TCERG1L: variants seen among roughly 807,000 people sequenced by gnomAD.
The protein encoded by TCERG1L is transcription elongation regulator 1 like.
Under a neutral mutation model 56.3 loss-of-function variants are expected in TCERG1L, and 37 were observed. That is an observed-to-expected ratio of 0.66 (90% confidence interval 0.51 to 0.87). The LOEUF (loss-of-function observed/expected upper bound fraction) is 0.87. Among genes scored for constraint, TCERG1L ranks in the 40% least tolerant of loss-of-function variants. TCERG1L has a pLI of 0.00. For missense variants in TCERG1L, 799 were observed against 774.2 expected, an observed-to-expected ratio of 1.03 and a Z score of -0.38; for synonymous variants, 324 against 326.3, an observed-to-expected ratio of 0.99 and a Z score of 0.08.
chr10:131,294,234 T>C (rs541220296), intron 3 of TCERG1L, among the ~76,000 whole-genome samples: 1 of 152,270 alleles, frequency 6.6e-6, no homozygotes, highest in East Asian at 1.9e-4. Flanking sequence ...GTCACCTCCC[T>C]GCCCCCGAGC....
chr10:131,269,214 TCTCA>T (rs1390119435), intron 3 of TCERG1L, among the ~76,000 whole-genome samples: 1 of 152,050 alleles, frequency 6.6e-6, no homozygotes, highest in Non-Finnish European at 1.5e-5. Context: ...TCATATGGAG[TCTCA>T]CTCTGTCACC....
chr10:131,116,286 A>G (rs1845458578), intron 9 of TCERG1L, among the ~76,000 whole-genome samples: 1 of 152,190 alleles, frequency 6.6e-6, no homozygotes, highest in African/African-American at 2.4e-5. Flanking sequence ...GAAGGGAGGG[A>G]GTACCACTAG....
intron 4 of TCERG1L, among the ~76,000 whole-genome samples, chr10:131,224,337 C>G (rs994374107): frequency 3.9e-5 from 6 of 152,186 alleles, no homozygotes; most frequent in Non-Finnish European, 7.3e-5. Flanking sequence ...CCTGGCCCCA[C>G]TGTCCCATCC....
At chr10:131,222,480 C>T (rs981786397) in intron 4 of TCERG1L, among the ~76,000 whole-genome samples, 1 of 152,218 alleles carries the variant, frequency 6.6e-6, no homozygotes, top group Non-Finnish European at 1.5e-5. Context: ...TGAAATTTCT[C>T]CACCTAAGTC....
At chr10:131,162,757 TTTAA>T (rs1277918537) in intron 6 of TCERG1L, 1 of 175,698 alleles carries the variant, frequency 5.7e-6, no homozygotes, top group African/African-American at 2.4e-5. Flanking sequence ...CAGGCACGTC[TTTAA>T]TTAACTGCCA....
Position 131,311,412 on chromosome 10 carries a change from G to A in TCERG1L, c.224C>T (p.Pro75Leu), listed in dbSNP as rs1197186774. 4.2e-6 allele frequency: 5 copies of A among 1,180,958 alleles called. No individual in the cohort carries two copies. The highest frequency in any genetic ancestry group is 1.6e-5 in the African/African-American group (1 of 61,962). 73.2% of individuals were successfully genotyped at this position (1,180,958 alleles called of 1,614,324 possible). The change falls in exon 1 of 12, where the codon CCC (proline) becomes CTC (leucine). Residue 75 changes from proline to leucine, a missense_variant. Coordinates refer to ENST00000368642, the MANE Select transcript of TCERG1L (RefSeq NM_174937.4). This position sits in a 1 kb window ranked among gnomAD's most constrained non-coding sequence, Gnocchi z 4.0. ...SAPPPAAPLL[P>L]GLPGWPAPSE... ...CGGGGCCGGCCAGCCGGGGAGACCG[G>A]GGAGCAGCGGGGCCGCGGGCGGCGG...
chr10:131,197,746 T>C (rs758266952), intron 4 of TCERG1L, among the ~76,000 whole-genome samples: 13 of 152,126 alleles, frequency 8.5e-5, no homozygotes, highest in Non-Finnish European at 1.5e-5. Flanking sequence ...AAAAATAGCA[T>C]AAAATACAAA....
At chr10:131,308,567 C>T (rs896896408) in intron 2 of TCERG1L, among the ~76,000 whole-genome samples, 176 bp from the exon 3 acceptor site, 7 of 152,138 alleles carry the variant, frequency 4.6e-5, no homozygotes, top group South Asian at 2.1e-4. Flanking sequence ...GCTTCAATAC[C>T]GATCACCATC....
intron 4 of TCERG1L, among the ~76,000 whole-genome samples, chr10:131,220,219 C>T (rs1297636916): frequency 6.6e-6 from 1 of 152,200 alleles, no homozygotes; most frequent in African/African-American, 2.4e-5. Flanking sequence ...GCCTATTGCC[C>T]CCAACAGCCT....
At chr10:131,129,208 G>GA (rs60210826) in intron 8 of TCERG1L, among the ~76,000 whole-genome samples, 57,581 of 149,516 alleles carry the variant, frequency 0.39, 11,049 homozygotes, top group East Asian at 0.53. Flanking sequence ...CCTCTAAGAG[G>GA]AAAAAAAAAA....
Position 131,285,547 on chromosome 10 carries a change from A to G in TCERG1L, c.670+22664T>C, listed in dbSNP as rs554240086. ...AAGAGAGAAAGAAAAGAAAAGAAAG[A>G]AAGGAAGGAAGAAAGAAAAAGAAAG... is the stretch of plus-strand genomic sequence containing the variant. On this transcript the variant is annotated intron_variant, in intron 3 of 11. Transcript: ENST00000368642. Among the ~76,000 whole-genome samples, 55 of 141,700 alleles carry G rather than the reference A, an allele frequency of 3.9e-4. 2 individuals carry two copies. Among genetic ancestry groups the G allele is most frequent in the Middle Eastern group, 3.6e-3 (1 of 280 alleles). 93.0% of individuals were successfully genotyped at this position (141,700 alleles called of 152,430 possible).
intron 4 of TCERG1L, among the ~76,000 whole-genome samples, chr10:131,218,537 A>C (rs2133495992): frequency 6.6e-6 from 1 of 152,208 alleles, no homozygotes; most frequent in East Asian, 1.9e-4. Context: ...CTTGTTGCCC[A>C]GGCTGGAGTG....
intron 6 of TCERG1L, among the ~76,000 whole-genome samples, chr10:131,152,000 C>T (rs1480672210): frequency 6.6e-6 from 1 of 152,182 alleles, no homozygotes; most frequent in Non-Finnish European, 1.5e-5. Flanking sequence ...TGCAGGGCAC[C>T]TTGTTTCAAG....
chr10:131,310,021 A>C (rs183327450), intron 1 of TCERG1L, among the ~76,000 whole-genome samples: 16 of 152,206 alleles, frequency 1.1e-4, no homozygotes, highest in Admixed American at 1.0e-3. Context: ...TTCAGTACCT[A>C]TTGTTTTAAA....
At chr10:131,288,503 G>C (rs1290967897) in intron 3 of TCERG1L, among the ~76,000 whole-genome samples, 1 of 152,134 alleles carries the variant, frequency 6.6e-6, no homozygotes, top group Non-Finnish European at 1.5e-5. Context: ...CGGGAGGTGG[G>C]TGCTACCACC....
intron 4 of TCERG1L, among the ~76,000 whole-genome samples, chr10:131,201,220 C>T (rs776511891): frequency 5.3e-5 from 8 of 152,166 alleles, no homozygotes; most frequent in African/African-American, 7.2e-5. Context: ...AAGTGAGCCC[C>T]CAAAACACAT....
In TCERG1L at chr10:131,311,470, C is replaced by G; in HGVS notation, c.166G>C (p.Val56Leu). 3.4e-6 allele frequency: 4 copies of G among 1,187,728 alleles called. No individual in the cohort carries two copies. The highest frequency in any genetic ancestry group is 4.2e-6 in the Non-Finnish European group (4 of 961,158). The allele number at this position is 1,187,728 out of a possible 1,614,324, so 73.6% of individuals were successfully genotyped here. The change falls in exon 1 of 12, where the codon GTC becomes CTC. Residue 56 changes from valine (V) to leucine (L), a missense_variant. Transcript: ENST00000368642. This position sits in a 1 kb window ranked among gnomAD's most constrained non-coding sequence, Gnocchi z 4.0. ...GCGAGCAGCACCGGGGGAACCACGA[C>G]CCCCGCGCTGAGCCGGAGCAGCCCG... ...SAGLLRLSAGVVVPPVLLASA... is the reference protein window; with the variant it reads ...SAGLLRLSAGLVVPPVLLASA...
At chr10:131,181,535 T>G (rs1352435401) in intron 4 of TCERG1L, among the ~76,000 whole-genome samples, 2 of 152,240 alleles carry the variant, frequency 1.3e-5, no homozygotes, top group Non-Finnish European at 2.9e-5. Context: ...AAACATTCAG[T>G]GCCATGCACA....
intron 8 of TCERG1L, among the ~76,000 whole-genome samples, chr10:131,124,775 ACGCTGGG>A (rs1366501021): frequency 6.6e-6 from 1 of 152,184 alleles, no homozygotes; most frequent in Non-Finnish European, 1.5e-5. Flanking sequence ...TGAGGAGGGA[ACGCTGGG>A]CGCTAATAAA....
Sources: allele counts gnomAD v4.1 joint callset (sites outside exome capture counted in the v4.1 genomes callset), GRCh38; gene constraint gnomAD v4.1.1; non-coding constraint Gnocchi (gnomAD v3.1); transcripts MANE v1.5; gene names NCBI Gene and HGNC (gene_info 2026-07-23, HGNC 2026-07-21).